PLPP7: variants seen among roughly 807,000 people sequenced by gnomAD.
PLPP7 encodes inactive phospholipid phosphatase 7.
PLPP7 carries 11 observed loss-of-function variants against 16.9 expected under a neutral mutation model. The ratio of observed to expected loss-of-function variants is 0.65; its 90% CI spans 0.41 to 1.08. PLPP7 has a LOEUF of 1.08. Ranked by LOEUF, PLPP7 falls within the 50% of genes least tolerant of loss-of-function variation. The probability of loss-of-function intolerance (pLI) is 0.00; values close to 1 mark genes in which losing one functional copy is unlikely to be tolerated. For synonymous variants in PLPP7, 174 were observed against 175.1 expected (o/e 0.99, Z 0.05); for missense variants, 358 against 397.1 (o/e 0.90, Z 0.84).
intron 1 of PLPP7, chr9:131,291,016 C>T (rs985267617): frequency 1.0e-5 from 14 of 1,338,856 alleles, no homozygotes; most frequent in Non-Finnish European, 1.4e-5. Flanking sequence ...GGAGTTCTTC[C>T]CTGCTCCTTC....
At position 131,291,212 on chromosome 9, in the gene PLPP7, G is replaced by T. The variant is rs111894684; in HGVS notation, c.451+764G>T. ...CCAGCCCCCGTCCGGCCCACCCTTC[G>T]GGCACCACCAGGTCCCCAAGGTGCC... On this transcript the variant is annotated intron_variant, in intron 1 of 1. Coordinates refer to ENST00000372264, the MANE Select transcript of PLPP7 (RefSeq NM_032728.4). 2.2e-6 allele frequency: 3 copies of T among 1,355,934 alleles called. No individual in the cohort carries two copies. In the African/African-American group the frequency reaches 4.4e-5, roughly 20 times the overall value. 84.0% of individuals were successfully genotyped at this position (1,355,934 alleles called of 1,614,324 possible).
chr9:131,291,859 G>A (rs991093302), intron 1 of PLPP7, among the ~76,000 whole-genome samples: 19 of 152,184 alleles, frequency 1.2e-4, no homozygotes, highest in Admixed American at 3.3e-4. Flanking sequence ...TGGGATTATA[G>A]GCATGAGCCA....
At chr9:131,294,162 G>A (rs1835710822) in intron 1 of PLPP7, among the ~76,000 whole-genome samples, 1 of 152,162 alleles carries the variant, frequency 6.6e-6, no homozygotes. Context: ...AGAGCCAGAA[G>A]GGGTCTTAGC....
intron 1 of PLPP7, among the ~76,000 whole-genome samples, chr9:131,296,019 C>T (rs947741227): frequency 3.3e-5 from 5 of 152,174 alleles, no homozygotes; most frequent in East Asian, 1.9e-4. Flanking sequence ...GTTGTATACT[C>T]GGAATCGAGC....
chr9:131,301,686 G>A (rs1365187696), intron 1 of PLPP7, among the ~76,000 whole-genome samples: 1 of 152,182 alleles, frequency 6.6e-6, no homozygotes, highest in Non-Finnish European at 1.5e-5. Flanking sequence ...GGACTCACAG[G>A]CAGTGTAATG....
intron 1 of PLPP7, among the ~76,000 whole-genome samples, chr9:131,303,067 C>T (rs922386062): frequency 6.6e-6 from 1 of 152,216 alleles, no homozygotes; most frequent in Non-Finnish European, 1.5e-5. Flanking sequence ...CACGGTGGCT[C>T]ACGCCTGTAA....
rs1835887646 is a variant in PLPP7, at chr9:131,308,838, A to G, written c.*551A>G. On this transcript the variant is annotated 3_prime_UTR_variant, in exon 2 of 2. Transcript: ENST00000372264. Reference sequence around the variant, plus strand: ...GGTTTTGTGGTTCAATAACTTTCGGAAGTGCTGCACACTCTGTCCCCAAGT... The same window carrying G: ...GGTTTTGTGGTTCAATAACTTTCGGGAGTGCTGCACACTCTGTCCCCAAGT... 1 of 154,300 alleles carries G rather than the reference A, an allele frequency of 6.5e-6. No homozygotes were observed. Among genetic ancestry groups the G allele is most frequent in the Non-Finnish European group, 1.4e-5 (1 of 69,474 alleles). The allele number at this position is 154,300 out of a possible 1,614,324, so 9.6% of individuals were successfully genotyped here.
chr9:131,308,512 C>A lies in PLPP7; in HGVS notation c.*225C>A. 1.4e-6 allele frequency: 1 copy of A among 724,564 alleles called. No homozygotes were observed. The highest frequency in any genetic ancestry group is 2.2e-6 in the Non-Finnish European group (1 of 456,702). The allele number at this position is 724,564 out of a possible 1,614,324, so 44.9% of individuals were successfully genotyped here. A position where few individuals can be genotyped will look rare whatever the true frequency, so the allele number is the denominator to read the frequency against. The stretch of plus-strand genomic sequence containing the variant: ...GCCTCTTGCCCCTTTGCTTGGACTC[C>A]AAGTCTCCTCTCTAGGCAGCCAGGA... On this transcript the variant is annotated 3_prime_UTR_variant, in exon 2 of 2. Coordinates refer to ENST00000372264, the MANE Select transcript of PLPP7 (RefSeq NM_032728.4).
rs373923921 is a variant in PLPP7 at position 131,290,482 on chromosome 9, G to A, written c.451+34G>A. 23 of 1,484,684 alleles carry A rather than the reference G, an allele frequency of 1.5e-5. No individual in the cohort carries two copies. Among genetic ancestry groups the A allele is most frequent in the African/African-American group, 2.8e-5 (2 of 71,194 alleles). The allele number at this position is 1,484,684 out of a possible 1,614,324, so 92.0% of individuals were successfully genotyped here. On this transcript the variant is annotated intron_variant, in intron 1 of 1. Coordinates refer to ENST00000372264, the MANE Select transcript of PLPP7 (RefSeq NM_032728.4). The surrounding 1 kb of genome is among the most constrained non-coding windows in gnomAD (Gnocchi z 4.2). ...GCCTGCCGCCCGCCACTCACTGTCA[G>A]GCCCCTCGGGAGGCAGCCTGGCCTG...
At chr9:131,302,080 A>C (rs1298685465) in intron 1 of PLPP7, among the ~76,000 whole-genome samples, 1 of 152,040 alleles carries the variant, frequency 6.6e-6, no homozygotes, top group Non-Finnish European at 1.5e-5. Context: ...CGGCCTCCCA[A>C]AGTGCTGGAA....
intron 1 of PLPP7, among the ~76,000 whole-genome samples, chr9:131,294,204 C>T (rs1444673614): frequency 6.6e-6 from 1 of 152,118 alleles, no homozygotes; most frequent in African/African-American, 2.4e-5. Flanking sequence ...CACAGGCAGC[C>T]GGACCTGAGT....
intron 1 of PLPP7, among the ~76,000 whole-genome samples, chr9:131,293,188 G>A (rs1835700768): frequency 6.6e-6 from 1 of 152,108 alleles, no homozygotes; most frequent in South Asian, 2.1e-4. Context: ...GTAAATCCAA[G>A]GCCCCGTGAC....
intron 1 of PLPP7, among the ~76,000 whole-genome samples, chr9:131,294,819 C>T (rs993378145): frequency 6.6e-6 from 1 of 151,948 alleles, no homozygotes; most frequent in African/African-American, 2.4e-5. Context: ...TGGTCTCGAA[C>T]TCCTGACCTC....
intron 1 of PLPP7, among the ~76,000 whole-genome samples, chr9:131,301,319 A>G (rs1206724794): frequency 6.6e-6 from 1 of 152,182 alleles, no homozygotes; most frequent in African/African-American, 2.4e-5. Context: ...TTTTCAACCT[A>G]AAGACCTGGT....
At chr9:131,306,523 C>G (rs901651023) in intron 1 of PLPP7, among the ~76,000 whole-genome samples, 1 of 151,328 alleles carries the variant, frequency 6.6e-6, no homozygotes, top group Non-Finnish European at 1.5e-5. Flanking sequence ...GGCAACAGAA[C>G]GAGACTCCAT....
chr9:131,305,945 TAAAA>T (rs751943577), intron 1 of PLPP7, among the ~76,000 whole-genome samples: 1 of 147,956 alleles, frequency 6.8e-6, no homozygotes, highest in Non-Finnish European at 1.5e-5. Flanking sequence ...ATCCGTCTCT[TAAAA>T]AAAAAACACC....
rs139175795 is a variant in PLPP7, at chr9:131,307,987, C to T, written c.516C>T (p.Tyr172=). 4.0e-4 allele frequency: 634 copies of T among 1,600,370 alleles called. 2 individuals are homozygous for T. In the African/African-American group the frequency reaches 7.0e-3, roughly 18 times the overall value. The change falls in exon 2 of 2, where the codon TAC becomes TAT. Residue 172 remains tyrosine (Y), a synonymous_variant. Transcript: ENST00000372264. ...AGCTCATCAAGCGGCGCGGCCCGTACGAGACGAGCCCCAGCCTCCTGGACT... is the reference window on the plus strand; with the variant it reads ...AGCTCATCAAGCGGCGCGGCCCGTATGAGACGAGCCCCAGCCTCCTGGACT... ...VQKLIKRRGP[Y]ETSPSLLDYL...
At chr9:131,301,553 C>G (rs1391376882) in intron 1 of PLPP7, among the ~76,000 whole-genome samples, 1 of 152,218 alleles carries the variant, frequency 6.6e-6, no homozygotes, top group Non-Finnish European at 1.5e-5. Context: ...GTCTTGGAAC[C>G]TGGGCCAGAC....
intron 1 of PLPP7, among the ~76,000 whole-genome samples, chr9:131,299,191 C>A (rs185480730): frequency 7.5e-6 from 1 of 132,888 alleles, no homozygotes. Context: ...AGCCTGAGTG[C>A]GCCCTGGGTG....
Sources: allele counts gnomAD v4.1 joint callset (sites outside exome capture counted in the v4.1 genomes callset), GRCh38; gene constraint gnomAD v4.1.1; non-coding constraint Gnocchi (gnomAD v3.1); transcripts MANE v1.5; gene names NCBI Gene and HGNC (gene_info 2026-07-23, HGNC 2026-07-21).